The following PURG variants were observed in gnomAD, a reference collection of about 807,000 sequenced individuals.
PURG encodes the protein purine-rich element-binding protein gamma.
A neutral mutation model predicts 24.3 loss-of-function variants in PURG; 3 were observed. The observed-to-expected ratio is 0.12, with a 90% CI of 0.06 to 0.32. The LOEUF is 0.32. Among genes scored for constraint, PURG ranks in the 10% least tolerant of loss-of-function variants. The probability of loss-of-function intolerance (pLI) is 1.00; values close to 1 mark genes in which losing one functional copy is unlikely to be tolerated. For synonymous variants in PURG, 180 were observed against 173.1 expected, an observed-to-expected ratio of 1.04 and a Z score of -0.31; for missense variants, 371 against 439.1, an observed-to-expected ratio of 0.84 and a Z score of 1.39.
chr8:31,010,097 G>GAAAAAAT (rs1205149251), intron 1 of PURG, among the ~76,000 whole-genome samples: 3 of 151,720 alleles, frequency 2.0e-5, no homozygotes, highest in Non-Finnish European at 4.4e-5. Context: ...ACCCTGTCTT[G>GAAAAAAT]AAAAAATAAA....
intron 1 of PURG, among the ~76,000 whole-genome samples, chr8:31,016,305 G>A (rs1207799863): frequency 2.0e-5 from 3 of 151,908 alleles, no homozygotes; most frequent in Admixed American, 1.3e-4. Context: ...ACTTGAACCT[G>A]GGAGGTGGAG....
chr8:31,011,456 A>G (rs556109496), intron 1 of PURG, among the ~76,000 whole-genome samples: 1 of 152,352 alleles, frequency 6.6e-6, no homozygotes, highest in South Asian at 2.1e-4. Flanking sequence ...ATTGTTTAAA[A>G]TAGTATCATT....
At chr8:31,006,186 C>T (rs1310644828) in intron 1 of PURG, among the ~76,000 whole-genome samples, 5 of 152,160 alleles carry the variant, frequency 3.3e-5, no homozygotes, top group Non-Finnish European at 7.3e-5. Context: ...TATTACACTA[C>T]CTGACAATTC....
intron 1 of PURG, among the ~76,000 whole-genome samples, chr8:31,020,422 A>T (rs1237529357): frequency 6.6e-6 from 1 of 152,214 alleles, no homozygotes; most frequent in Non-Finnish European, 1.5e-5. Flanking sequence ...AACTTGTATT[A>T]ATAATTCTTA....
chr8:31,033,331 G>C lies in PURG; in HGVS notation c.-260C>G, dbSNP rs558022122. On this transcript the variant is annotated 5_prime_UTR_variant, in exon 1 of 2. Coordinates refer to ENST00000523392, the MANE Select transcript of PURG (RefSeq NM_001323311.2). ...CGGACACCGGCCCCGCACCCGCCAG[G>C]AGGGGAGGGAAGGGGAGGCGGGGAG... is the stretch of plus-strand genomic sequence containing the variant. The C allele has an allele frequency of 2.9e-4, 46 of 158,130 alleles. No homozygotes were observed. The highest frequency in any genetic ancestry group is 1.7e-3 in the Admixed American group (27 of 15,526). 9.8% of individuals were successfully genotyped at this position (158,130 alleles called of 1,614,324 possible). A position where few individuals can be genotyped will look rare whatever the true frequency, so the allele number is the denominator to read the frequency against.
intron 1 of PURG, among the ~76,000 whole-genome samples, chr8:30,999,941 T>C (rs778000651): frequency 2.6e-5 from 4 of 151,164 alleles, no homozygotes; most frequent in African/African-American, 4.9e-5. Context: ...TACTCTGCCA[T>C]GCAATGTACA....
chr8:31,031,744 C>T lies in PURG; in HGVS notation c.1039G>A (p.Asp347Asn). Reference protein sequence around the residue: ...KASGEEQECLD With the variant: ...KASGEEQECLN ...TGATGGAGTTCAATTTCACTCTAGTCGAGGCATTCTTGTTCTTCACCACTG... is the reference window on the plus strand; with the variant it reads ...TGATGGAGTTCAATTTCACTCTAGTTGAGGCATTCTTGTTCTTCACCACTG... The change falls in exon 2 of 2, where the codon GAC becomes AAC. Residue 347 changes from aspartate (D) to asparagine (N), a missense_variant. By Grantham distance (23) the Asp-to-Asn change is conservative. Transcript: ENST00000523392. 1 of 1,546,124 alleles carries T rather than the reference C, an allele frequency of 6.5e-7. No homozygotes were observed. Among genetic ancestry groups the T allele is most frequent in the East Asian group, 2.4e-5 (1 of 40,888 alleles).
chr8:31,032,608 C>G lies in PURG; in HGVS notation c.175G>C (p.Glu59Gln). The G allele has an allele frequency of 1.2e-6, 2 of 1,608,196 alleles. No individual in the cohort carries two copies. Among genetic ancestry groups the G allele is most frequent in the Non-Finnish European group, 1.7e-6 (2 of 1,176,158 alleles). Residue 59 changes from glutamate to glutamine, a missense_variant, in exon 2 of 2, where the codon GAG becomes CAG. This residue lies in a region of PURG where 213 missense variants were observed against 230.6 expected (regional missense o/e 0.92). Coordinates refer to ENST00000523392, the MANE Select transcript of PURG (RefSeq NM_001323311.2). The surrounding 1 kb of genome is among the most constrained non-coding windows in gnomAD (Gnocchi z 5.9). ...ATGTCCACTCGTTTGGAGGCCAGCTCCTGGATTTCGGCTGCGCCCCCGGCC... is the reference window on the plus strand; with the variant it reads ...ATGTCCACTCGTTTGGAGGCCAGCTGCTGGATTTCGGCTGCGCCCCCGGCC... ...NQAGGAAEIQ[E>Q]LASKRVDIQK...
intron 1 of PURG, among the ~76,000 whole-genome samples, chr8:31,011,110 T>C (rs1413006888): frequency 6.6e-6 from 1 of 152,192 alleles, no homozygotes; most frequent in Non-Finnish European, 1.5e-5. Flanking sequence ...TTTTTGTCAA[T>C]CCAAACATAT....
chr8:31,007,490 T>C (rs1810676572), intron 1 of PURG, among the ~76,000 whole-genome samples: 1 of 152,156 alleles, frequency 6.6e-6, no homozygotes, highest in Non-Finnish European at 1.5e-5. Context: ...AGTTGAAGGA[T>C]AAAAACAAAT....
chr8:30,999,568 G>A (rs1810495783), intron 1 of PURG, among the ~76,000 whole-genome samples: 1 of 151,924 alleles, frequency 6.6e-6, no homozygotes. Flanking sequence ...CTAAAGCCTA[G>A]TAAGAATAAT....
At chr8:31,005,644 A>G (rs1489640010) in intron 1 of PURG, among the ~76,000 whole-genome samples, 1 of 152,094 alleles carries the variant, frequency 6.6e-6, no homozygotes, top group East Asian at 1.9e-4. Context: ...ATCAAATCTG[A>G]CTGAATGACA....
At chr8:31,016,811 A>G (rs933007671) in intron 1 of PURG, among the ~76,000 whole-genome samples, 1 of 152,140 alleles carries the variant, frequency 6.6e-6, no homozygotes, top group African/African-American at 2.4e-5. Flanking sequence ...TCACTGGACT[A>G]AATTTTAAAG....
chr8:31,011,202 G>C (rs1490624228), intron 1 of PURG, among the ~76,000 whole-genome samples: 1 of 152,160 alleles, frequency 6.6e-6, no homozygotes, highest in East Asian at 1.9e-4. Flanking sequence ...AAAAGCCTGG[G>C]GCAGGAAGGG....
downstream of PURG, among the ~76,000 whole-genome samples, chr8:31,030,406 T>C (rs979069370): frequency 3.3e-5 from 5 of 151,978 alleles, no homozygotes; most frequent in African/African-American, 1.2e-4. Flanking sequence ...AGTCAATTAA[T>C]ACAGGATGGG....
At chr8:31,019,261 A>G (rs1338011545) in intron 1 of PURG, among the ~76,000 whole-genome samples, 1 of 142,490 alleles carries the variant, frequency 7.0e-6, no homozygotes, top group Non-Finnish European at 1.5e-5. Context: ...AGCATAGAAT[A>G]AATTATTTAA....
chr8:31,000,747 T>C (rs916147970), intron 1 of PURG, among the ~76,000 whole-genome samples: 6 of 152,206 alleles, frequency 3.9e-5, no homozygotes, highest in African/African-American at 1.2e-4. Context: ...AATGACTATA[T>C]AGAAGCATGT....
chr8:31,000,361 C>T (rs1810513674), intron 1 of PURG, among the ~76,000 whole-genome samples: 1 of 152,112 alleles, frequency 6.6e-6, no homozygotes, highest in African/African-American at 2.4e-5. Flanking sequence ...AGATCTCTTA[C>T]TCATGTAATA....
rs1471888020 is a variant in PURG at position 31,030,996 on chromosome 8, A to G, written c.*743T>C. ...TAAAAGTAATTCCTGAAACTTTGGA[A>G]AGTCAATAAAAATATATGGAACATT... On this transcript the variant is annotated 3_prime_UTR_variant, in exon 2 of 2. Transcript: ENST00000523392. 1.3e-5 allele frequency: 2 copies of G among 152,584 alleles called. No individual in the cohort carries two copies. The highest frequency in any genetic ancestry group is 1.9e-4 in the East Asian group (1 of 5,204). The allele number at this position is 152,584 out of a possible 1,614,324, so 9.5% of individuals were successfully genotyped here. A position where few individuals can be genotyped will look rare whatever the true frequency, so the allele number is the denominator to read the frequency against.
Sources: allele counts gnomAD v4.1 joint callset (sites outside exome capture counted in the v4.1 genomes callset), GRCh38; gene constraint gnomAD v4.1.1; regional missense constraint gnomAD v4.1.1; non-coding constraint Gnocchi (gnomAD v3.1); transcripts MANE v1.5; gene names NCBI Gene and HGNC (gene_info 2026-07-23, HGNC 2026-07-21).